The following MYL7 variants were observed in gnomAD, a reference collection of about 807,000 sequenced individuals.
The protein encoded by MYL7 is myosin regulatory light chain 2, atrial isoform.
Under a neutral mutation model 22.5 loss-of-function variants are expected in MYL7, and 27 were observed. The ratio of observed to expected loss-of-function variants is 1.20; its 90% CI spans 0.89 to 1.66. The LOEUF (loss-of-function observed/expected upper bound fraction) is 1.66. Ranked by LOEUF, MYL7 falls within the 40% of genes most tolerant of loss-of-function variation. MYL7 has a pLI of 0.00. For missense variants in MYL7, 209 were observed against 226.8 expected, an observed-to-expected ratio of 0.92 and a Z score of 0.50; for synonymous variants, 81 against 84.4, an observed-to-expected ratio of 0.96 and a Z score of 0.22.
At chr7:44,140,215 G>C in intron 4 of MYL7, 108 bp downstream of exon 4, 1 of 892,982 alleles carries the variant, frequency 1.1e-6, no homozygotes. Context: ...GGGTTCAGGT[G>C]GGGTTCATGT....
chr7:44,141,172 C>T lies in MYL7; in HGVS notation c.4-98G>A, dbSNP rs766053315. 6 of 1,573,438 alleles carry T rather than the reference C, an allele frequency of 3.8e-6. No homozygotes were observed. The South Asian group carries it at 6.7e-5, about 18-fold the overall frequency. On this transcript the variant is annotated intron_variant, in intron 1 of 6. Coordinates refer to ENST00000223364, the MANE Select transcript of MYL7 (RefSeq NM_021223.3). ...AGTCCCAGAGCATTCCCAGGAGAGC[C>T]AGGGCCAGGATCCTCTTCCTCTCCC...
At chr7:44,140,456 C>T (rs1370026773) in intron 3 of MYL7, 29 bp from the exon 4 acceptor site, 3 of 1,564,298 alleles carry the variant, frequency 1.9e-6, no homozygotes, top group Non-Finnish European at 2.6e-6. Flanking sequence ...GAGGTGCACA[C>T]AGGGACCCTG....
chr7:44,141,218 A>C, intron 1 of MYL7, 85 bp downstream of exon 1: 1 of 1,607,534 alleles, frequency 6.2e-7, no homozygotes. Flanking sequence ...CCTCAACCCA[A>C]CACAAGCACA....
intron 6 of MYL7, 95 bp from the exon 7 acceptor site, chr7:44,139,117 G>T: frequency 2.2e-6 from 2 of 911,650 alleles, no homozygotes; most frequent in Non-Finnish European, 3.5e-6. Context: ...TCTGCCCCCT[G>T]CATCTGTGCT....
In MYL7 at chr7:44,140,293, C is replaced by T. The variant is rs746077715; in HGVS notation, c.298+30G>A. The T allele has an allele frequency of 4.9e-5, 79 of 1,597,440 alleles. 1 individual carries two copies. Among genetic ancestry groups the T allele is most frequent in the Non-Finnish European group, 4.6e-5 (54 of 1,165,648 alleles). On this transcript the variant is annotated intron_variant, in intron 4 of 6. Transcript: ENST00000223364. ...GCAGGGTGCAGGCTCCCTGCCTGGC[C>T]AAGGGTGCCCAGCTCTGTCCCAGGC...
chr7:44,139,006 G>A lies in MYL7; in HGVS notation c.443C>T (p.Ala148Val), dbSNP rs745770962. The A allele has an allele frequency of 3.7e-6, 6 of 1,613,936 alleles. No individual in the cohort carries two copies. The highest frequency in any genetic ancestry group is 5.1e-6 in the Non-Finnish European group (6 of 1,179,962). Residue 148 changes from alanine (A) to valine (V), a missense_variant, in exon 7 of 7, where the codon GCC (alanine) becomes GTC (valine). Transcript: ENST00000223364. ...CCCCGCCAGGTCCATGGGTGTCAGG[G>A]CGAACATCTGCTCCACCTGCAGGGG... ...FSPAEVEQMF[A>V]LTPMDLAGNI...
chr7:44,141,221 CA>C (rs761884213), intron 1 of MYL7, 81 bp downstream of exon 1: 1 of 1,607,868 alleles, frequency 6.2e-7, no homozygotes, highest in South Asian at 1.1e-5. Context: ...CAACCCAACA[CA>C]AGCACAGAAA....
intron 5 of MYL7, 62 bp from the exon 6 acceptor site, chr7:44,139,631 G>A (rs1463248486): frequency 1.9e-6 from 3 of 1,576,802 alleles, no homozygotes; most frequent in Non-Finnish European, 2.6e-6. Context: ...GGGAAGGTGG[G>A]TACGGAGGCT....
chr7:44,139,079 A>C, intron 6 of MYL7, 57 bp from the exon 7 acceptor site: 1 of 1,383,156 alleles, frequency 7.2e-7, no homozygotes, highest in Non-Finnish European at 1.0e-6. Flanking sequence ...CCCGGCAGAG[A>C]CCTCACCTGA....
intron 5 of MYL7, 75 bp from the exon 6 acceptor site, chr7:44,139,644 C>T: frequency 6.3e-7 from 1 of 1,574,956 alleles, no homozygotes; most frequent in Non-Finnish European, 8.6e-7. Context: ...CGGAGGCTCC[C>T]ATGGCGCAGG....
rs1583581783 is a variant in MYL7 at position 44,139,463 on chromosome 7, G to GGGTGAAGGCCC, written c.426+47_426+57dup. ...TCACTGGTACTGGGCTCTGGGTCAT[G>GGGTGAAGGCCC]GGTGAAGGCCCAGAGAAGGTGCTGG... On this transcript the variant is annotated intron_variant, in intron 6 of 6. Coordinates refer to ENST00000223364, the MANE Select transcript of MYL7 (RefSeq NM_021223.3). 4 of 1,575,550 alleles carry GGGTGAAGGCCC rather than the reference G, an allele frequency of 2.5e-6. No individual in the cohort carries two copies. In the African/African-American group the frequency reaches 4.0e-5, roughly 16 times the overall value.
In MYL7 at chr7:44,141,005, C is replaced by T. The variant is rs763743769; in HGVS notation, c.73G>A (p.Val25Ile). 6.8e-6 allele frequency: 11 copies of T among 1,613,842 alleles called. No individual in the cohort carries two copies. Among genetic ancestry groups the T allele is most frequent in the Non-Finnish European group, 8.5e-6 (10 of 1,179,966 alleles). The change falls in exon 2 of 7, where the codon GTC (valine) becomes ATC (isoleucine). Residue 25 changes from valine to isoleucine, a missense_variant. Physicochemically the swap from Val to Ile is conservative, Grantham distance 29. Coordinates refer to ENST00000223364, the MANE Select transcript of MYL7 (RefSeq NM_021223.3). ...TGGGCTTGTTCAAACATGGAAAAGA[C>T]GTTGGAAGAACCACGTTGGGCCTGC... ...TKQAQRGSSN[V>I]FSMFEQAQIQ...
At chr7:44,140,233 A>C in intron 4 of MYL7, 90 bp downstream of exon 4, 1 of 1,076,494 alleles carries the variant, frequency 9.3e-7, no homozygotes, top group Non-Finnish European at 1.4e-6. Flanking sequence ...TGTAAGGTTC[A>C]GGTGGGGTTC....
rs4440539 is a variant in MYL7 at position 44,141,053 on chromosome 7, G to A, written c.25C>T (p.Arg9Trp). ...TGCTTGGTGGCTGCCACCTTGCCCC[G>A]GGTCCCCGCCTTCCTGCTGGCCTGC... Reference protein sequence around the residue: MASRKAGTRGKVAATKQAQ... With the variant: MASRKAGTWGKVAATKQAQ... The change falls in exon 2 of 7, where the codon CGG (arginine) becomes TGG (tryptophan). Residue 9 changes from arginine (R) to tryptophan (W), a missense_variant. Physicochemically the swap from Arg to Trp is moderately radical, Grantham distance 101 (BLOSUM62 -3). Transcript: ENST00000223364. 31 of 1,613,698 alleles carry A rather than the reference G, an allele frequency of 1.9e-5. No homozygotes were observed. Among genetic ancestry groups the A allele is most frequent in the Admixed American group, 3.3e-5 (2 of 59,980 alleles).
At chr7:44,139,998 G>T in intron 4 of MYL7, 138 bp from the exon 5 acceptor site, 1 of 798,612 alleles carries the variant, frequency 1.3e-6, no homozygotes, top group Non-Finnish European at 1.9e-6. Flanking sequence ...TGTTTCTCGG[G>T]GATCAGTGGG....
At position 44,141,298 on chromosome 7, in the gene MYL7, C is replaced by A; in HGVS notation, c.3+5G>T. The A allele has an allele frequency of 6.2e-7, 1 of 1,614,040 alleles. No individual in the cohort carries two copies. Among genetic ancestry groups the A allele is most frequent in the Non-Finnish European group, 8.5e-7 (1 of 1,179,946 alleles). On this transcript the variant is annotated splice_donor_5th_base_variant and intron_variant, in intron 1 of 6. Transcript: ENST00000223364. Reference sequence around the variant, plus strand: ...GCTAGCCTTTCTTCCCCAGCAGGCACTCACCATTCTCTCTGCAGAGGTGTG... The same window carrying A: ...GCTAGCCTTTCTTCCCCAGCAGGCAATCACCATTCTCTCTGCAGAGGTGTG...
chr7:44,140,716 C>G lies in MYL7; in HGVS notation c.189G>C (p.Gln63His), dbSNP rs780830607. 3.7e-6 allele frequency: 6 copies of G among 1,605,764 alleles called. No individual in the cohort carries two copies. The African/African-American group carries it at 8.0e-5, about 21-fold the overall frequency. Residue 63 changes from glutamine to histidine, a missense_variant, in exon 3 of 7, where the codon CAG becomes CAC. Physicochemically the swap from Gln to His is conservative, Grantham distance 24. Coordinates refer to ENST00000223364, the MANE Select transcript of MYL7 (RefSeq NM_021223.3). ...GTGGGAGGTGGGTGCACGCACCCAG[C>G]TGGGAGTAGGTCTCCCTCAGGTCTG... ...CKADLRETYS[Q>H]LGKVSVPEEE...
chr7:44,140,004 G>A, intron 4 of MYL7, 144 bp from the exon 5 acceptor site: 1 of 786,230 alleles, frequency 1.3e-6, no homozygotes, highest in Middle Eastern at 3.8e-4. Context: ...TCGGGGATCA[G>A]TGGGGCTGGG....
Position 44,140,987 on chromosome 7 carries a change from G to A in MYL7, c.91C>T (p.Gln31Ter). The change falls in exon 2 of 7, where the codon CAA becomes TAA. Residue 31 changes from glutamine to a stop codon, truncating the protein, a stop_gained. Coordinates refer to ENST00000223364, the MANE Select transcript of MYL7 (RefSeq NM_021223.3). LOFTEE classifies it high-confidence loss of function. Reference protein sequence around the residue: ...GSSNVFSMFEQAQIQEFKEAF... With the variant: ...GSSNVFSMFE ...TCTTTGAACTCCTGTATCTGGGCTTGTTCAAACATGGAAAAGACGTTGGAA... is the reference window on the plus strand; with the variant it reads ...TCTTTGAACTCCTGTATCTGGGCTTATTCAAACATGGAAAAGACGTTGGAA... 2 of 1,613,966 alleles carry A rather than the reference G, an allele frequency of 1.2e-6. No homozygotes were observed. The highest frequency in any genetic ancestry group is 1.1e-5 in the South Asian group (1 of 91,082).
Sources: allele counts gnomAD v4.1 joint callset, GRCh38; gene constraint gnomAD v4.1.1; transcripts MANE v1.5; gene names NCBI Gene and HGNC (gene_info 2026-07-23, HGNC 2026-07-21).